RGPD6: variants seen among roughly 807,000 people sequenced by gnomAD.
RGPD6 encodes RANBP2-like and GRIP domain-containing protein 5/6.
the RGPD6 span, among the ~76,000 whole-genome samples, chr2:110,603,688 C>T: frequency 1.2e-5 from 1 of 84,498 alleles, no homozygotes; most frequent in Non-Finnish European, 2.4e-5. Context: ...TGCCGCTCTG[C>T]CTACCCAGGA....
the RGPD6 span, among the ~76,000 whole-genome samples, chr2:110,593,049 A>T: frequency 6.8e-6 from 1 of 148,134 alleles, no homozygotes; most frequent in African/African-American, 2.6e-5. Context: ...TTGAGATAAT[A>T]GAAAAGCTAA....
the RGPD6 span, among the ~76,000 whole-genome samples, chr2:110,600,151 G>A: frequency 2.1e-5 from 3 of 139,980 alleles, no homozygotes; most frequent in South Asian, 7.2e-4. Context: ...ACTGTAACCT[G>A]AGTCCAGACT....
intron 1 of RGPD6, 51 bp downstream of exon 1, chr2:110,576,902 C>CCCCA (rs1688405029): frequency 1.9e-6 from 2 of 1,030,818 alleles, no homozygotes; most frequent in Non-Finnish European, 2.4e-6. Flanking sequence ...CCCCCCCCCT[C>CCCCA]CCCCCCCGGC....
At chr2:110,594,133 ATAGAT>A in the RGPD6 span, among the ~76,000 whole-genome samples, 1 of 147,582 alleles carries the variant, frequency 6.8e-6, no homozygotes, top group Non-Finnish European at 1.5e-5. Flanking sequence ...AAGTATATTA[ATAGAT>A]TAAAGTATAT....
chr2:110,593,324 T>C, the RGPD6 span, among the ~76,000 whole-genome samples: 1 of 147,760 alleles, frequency 6.8e-6, no homozygotes, highest in Admixed American at 6.7e-5. Flanking sequence ...CTGTATGATG[T>C]CTGGCCAAGA....
chr2:110,589,526 G>C, the RGPD6 span, among the ~76,000 whole-genome samples: 2 of 150,606 alleles, frequency 1.3e-5, no homozygotes, highest in Non-Finnish European at 2.9e-5. Context: ...CAATCAGCCG[G>C]TTTGCAGTTC....
the RGPD6 span, among the ~76,000 whole-genome samples, chr2:110,600,018 C>A: frequency 1.3e-5 from 2 of 152,000 alleles, no homozygotes; most frequent in Non-Finnish European, 2.9e-5. Flanking sequence ...TCCTCTCCTG[C>A]ACGTAGACAT....
At chr2:110,605,686 C>G in the RGPD6 span, among the ~76,000 whole-genome samples, 1 of 151,374 alleles carries the variant, frequency 6.6e-6, no homozygotes. Context: ...TGAAGACAAG[C>G]AAAAGCATCA....
the RGPD6 span, among the ~76,000 whole-genome samples, chr2:110,601,032 AAAG>A: frequency 6.6e-6 from 1 of 152,064 alleles, no homozygotes; most frequent in Non-Finnish European, 1.5e-5. Flanking sequence ...CCTGGCAAGG[AAAG>A]TCTACCTGCT....
At chr2:110,607,993 G>C in the RGPD6 span, among the ~76,000 whole-genome samples, 1 of 150,348 alleles carries the variant, frequency 6.7e-6, no homozygotes, top group Non-Finnish European at 1.5e-5. Flanking sequence ...GTCCTTATAA[G>C]CTGAGAGATA....
At chr2:110,596,931 T>TCA in the RGPD6 span, among the ~76,000 whole-genome samples, 1 of 126,534 alleles carries the variant, frequency 7.9e-6, no homozygotes, top group South Asian at 2.4e-4. Context: ...TATATATATA[T>TCA]TATATATATT....
At chr2:110,605,382 TAC>T in the RGPD6 span, among the ~76,000 whole-genome samples, 5 of 150,750 alleles carry the variant, frequency 3.3e-5, no homozygotes, top group Non-Finnish European at 5.9e-5. Flanking sequence ...CCAGTGTGAG[TAC>T]ACGCAGCTCT....
the RGPD6 span, among the ~76,000 whole-genome samples, chr2:110,600,886 A>T: frequency 2.3e-5 from 3 of 130,724 alleles, no homozygotes; most frequent in Non-Finnish European, 5.0e-5. Context: ...CCCAGGTCCT[A>T]ACAGGCCCCG....
chr2:110,608,488 T>C, the RGPD6 span, among the ~76,000 whole-genome samples: 1 of 147,378 alleles, frequency 6.8e-6, no homozygotes, highest in Non-Finnish European at 1.5e-5. Context: ...AAAGTAACCA[T>C]AAACTTAAAA....
chr2:110,606,089 TA>T, the RGPD6 span, among the ~76,000 whole-genome samples: 1 of 151,288 alleles, frequency 6.6e-6, no homozygotes, highest in African/African-American at 2.4e-5. Flanking sequence ...TGGGAAATTC[TA>T]AAAAAAAGAA....
chr2:110,606,674 CT>C, the RGPD6 span, among the ~76,000 whole-genome samples: 5,263 of 141,964 alleles, frequency 0.037, 312 homozygotes, highest in African/African-American at 0.14. Context: ...ATAAAATGAT[CT>C]TTTAGAGACA....
the RGPD6 span, chr2:110,611,051 G>GC: frequency 2.1e-6 from 2 of 956,568 alleles, 1 homozygote; most frequent in Non-Finnish European, 2.4e-6. Context: ...CGCCGCCACC[G>GC]CCCCCGGCCC....
chr2:110,589,343 T>TC, the RGPD6 span, among the ~76,000 whole-genome samples: 1 of 149,968 alleles, frequency 6.7e-6, no homozygotes, highest in Non-Finnish European at 1.5e-5. Context: ...AGAGCAAAAC[T>TC]CCGTCTCAAA....
chr2:110,606,301 A>C, the RGPD6 span, among the ~76,000 whole-genome samples: 1 of 132,854 alleles, frequency 7.5e-6, no homozygotes, highest in Non-Finnish European at 1.6e-5. Context: ...TCCTCTGTCT[A>C]ATATTCTGTG....
Sources: allele counts gnomAD v4.1 joint callset (sites outside exome capture counted in the v4.1 genomes callset), GRCh38; gene constraint gnomAD v4.1.1; transcripts MANE v1.5; gene names NCBI Gene and HGNC (gene_info 2026-07-23, HGNC 2026-07-21).